Variants in POC1B observed in about 807,000 individuals in gnomAD.
POC1B encodes the protein POC1 centriolar protein B.
In POC1B, 44 loss-of-function variants were observed where a neutral mutation model predicts 60.6. The observed-to-expected ratio is 0.73, with a 90% CI of 0.57 to 0.93. The LOEUF is 0.93. POC1B is among the 40% of genes least tolerant of loss of function. The pLI is 0.00. For synonymous variants in POC1B, 180 were observed against 198.9 expected, an observed-to-expected ratio of 0.90 and a Z score of 0.80; for missense variants, 555 against 572.3, an observed-to-expected ratio of 0.97 and a Z score of 0.31.
chr12:89,512,428 T>G (rs1485253826), intron 2 of POC1B, among the ~76,000 whole-genome samples: 2 of 152,128 alleles, frequency 1.3e-5, no homozygotes, highest in Non-Finnish European at 2.9e-5. Flanking sequence ...AAACCTTTAC[T>G]GAATTGGTAC....
chr12:89,415,585 C>G (rs371647276), downstream of POC1B, among the ~76,000 whole-genome samples: 7 of 151,478 alleles, frequency 4.6e-5, no homozygotes, highest in East Asian at 1.9e-4. Context: ...GGAGCTTGCA[C>G]TGAGCCGAGA....
At chr12:89,483,258 C>G (rs1427905170) in intron 4 of POC1B, among the ~76,000 whole-genome samples, 1 of 152,132 alleles carries the variant, frequency 6.6e-6, no homozygotes, top group Non-Finnish European at 1.5e-5. Flanking sequence ...TTATAAGGGG[C>G]TTTTCCCCCT....
intron 1 of POC1B, chr12:89,525,551 C>CTT (rs111898396): frequency 0.068 from 76,635 of 1,124,844 alleles, 363 homozygotes; most frequent in South Asian, 0.13. Flanking sequence ...GGCTTTGGTA[C>CTT]TTTTTTTTTT....
At chr12:89,459,617 A>AAAG in intron 10 of POC1B, 21 bp downstream of exon 10, 1 of 1,340,536 alleles carries the variant, frequency 7.5e-7, no homozygotes, top group Non-Finnish European at 1.0e-6. Context: ...TGTCAAAAAA[A>AAAG]AAAAAAAAAA....
chr12:89,500,025 C>T (rs1181201046), intron 2 of POC1B: 19 of 1,010,468 alleles, frequency 1.9e-5, no homozygotes, highest in Non-Finnish European at 6.1e-6. Flanking sequence ...TCTTGCTCGG[C>T]CTCCTGGAGC....
chr12:89,442,221 C>G (rs1481049450), intron 10 of POC1B, among the ~76,000 whole-genome samples: 2 of 152,170 alleles, frequency 1.3e-5, no homozygotes, highest in Non-Finnish European at 2.9e-5. Context: ...CCTAGCAAGG[C>G]AGGCCAACAT....
chr12:89,509,793 G>A (rs1420060052), intron 2 of POC1B, among the ~76,000 whole-genome samples: 1 of 152,102 alleles, frequency 6.6e-6, no homozygotes, highest in African/African-American at 2.4e-5. Context: ...AGTAGTTTCA[G>A]AATCATGGAA....
chr12:89,418,251 C>G (rs1436010209), downstream of POC1B, among the ~76,000 whole-genome samples: 6 of 152,180 alleles, frequency 3.9e-5, no homozygotes, highest in Non-Finnish European at 5.9e-5. Flanking sequence ...CAGATGCCCT[C>G]AGGAGGGAAC....
rs1326922317 is a variant in POC1B, at chr12:89,497,173, ATC to A, written c.268_269del (p.Asp90Ter). The A allele has an allele frequency of 6.2e-7, 1 of 1,611,564 alleles. No homozygotes were observed. ...RDRTVRLWIP[D>X]KRGKFSEFKA... ...AAGTGTTTCTTTGTTTCTCTTACTT[ATC>A]AGGAATCCAGAGTCTCACGGTTCTG... On this transcript the variant is annotated frameshift_variant, in exon 3 of 12. Transcript: ENST00000313546. LOFTEE classifies it high-confidence loss of function.
At chr12:89,467,708 GA>G in intron 7 of POC1B, 23 bp from the exon 8 acceptor site, 3 of 1,569,280 alleles carry the variant, frequency 1.9e-6, no homozygotes, top group Non-Finnish European at 8.7e-7. Context: ...GGGAAATAAA[GA>G]AAAAAAGTAC....
intron 10 of POC1B, chr12:89,427,170 C>CT (rs2120660384): frequency 1.3e-5 from 2 of 152,262 alleles, no homozygotes; most frequent in African/African-American, 4.8e-5. Context: ...GTAATTAAGA[C>CT]AGTGTGGCAC....
the POC1B span, among the ~76,000 whole-genome samples, chr12:89,414,040 C>T: frequency 3.3e-4 from 50 of 152,184 alleles, no homozygotes; most frequent in African/African-American, 1.2e-3. Context: ...TACAGGCGCC[C>T]ATCATCATGC....
intron 2 of POC1B, among the ~76,000 whole-genome samples, chr12:89,505,402 T>C (rs1256961596): frequency 6.6e-6 from 1 of 152,192 alleles, no homozygotes; most frequent in Non-Finnish European, 1.5e-5. Context: ...TCACAATAGA[T>C]CAAAGCTAGA....
chr12:89,443,870 GAAGAA>G (rs1205962253), intron 10 of POC1B, among the ~76,000 whole-genome samples: 6 of 151,996 alleles, frequency 3.9e-5, no homozygotes, highest in African/African-American at 1.5e-4. Flanking sequence ...GACTAATAAA[GAAGAA>G]AAGAGAGAAG....
intron 9 of POC1B, among the ~76,000 whole-genome samples, chr12:89,465,665 T>C (rs1882656607): frequency 6.6e-6 from 1 of 151,926 alleles, no homozygotes; most frequent in Admixed American, 6.6e-5. Flanking sequence ...AAAATGATAA[T>C]ACAATAAGTA....
intron 9 of POC1B, among the ~76,000 whole-genome samples, chr12:89,466,340 T>A (rs1204088056): frequency 2.0e-5 from 3 of 152,234 alleles, no homozygotes; most frequent in African/African-American, 4.8e-5. Flanking sequence ...TTAGATTTAA[T>A]CACTAACTCT....
At chr12:89,519,512 A>C (rs1419871056) in intron 2 of POC1B, 1 of 152,602 alleles carries the variant, frequency 6.6e-6, no homozygotes. Context: ...GAGGAAAAAA[A>C]CATCATTCAG....
intron 10 of POC1B, chr12:89,428,069 T>C (rs1880848945): frequency 6.6e-6 from 1 of 152,234 alleles, no homozygotes. Context: ...TAAGAAATCT[T>C]GACTCATGAT....
intron 3 of POC1B, among the ~76,000 whole-genome samples, chr12:89,495,208 ACAAT>A (rs1369269657): frequency 1.3e-5 from 2 of 152,220 alleles, no homozygotes; most frequent in African/African-American, 4.8e-5. Context: ...CTACCCTTAT[ACAAT>A]TTGTTCACTG....
Sources: gnomAD v4.1 joint callset for allele counts (sites outside exome capture counted in the v4.1 genomes callset) on GRCh38, gnomAD v4.1.1 for gene constraint, MANE v1.5 for transcripts, NCBI Gene and HGNC (gene_info 2026-07-23, HGNC 2026-07-21) for gene names.